CADPS: variants seen among roughly 807,000 people sequenced by gnomAD.
CADPS encodes calcium-dependent secretion activator 1.
In CADPS, 57 loss-of-function variants were observed where a neutral mutation model predicts 167.3. The ratio of observed to expected loss-of-function variants is 0.34; its 90% CI spans 0.28 to 0.42. The LOEUF (loss-of-function observed/expected upper bound fraction) is 0.42. Ranked by LOEUF, CADPS falls within the 20% of genes least tolerant of loss-of-function variation. The pLI is 1.00. For missense variants in CADPS, 1,414 were observed against 1,738.1 expected (o/e 0.81, Z 3.32); for synonymous variants, 676 against 635.3 (o/e 1.06, Z -0.96).
intron 8 of CADPS, among the ~76,000 whole-genome samples, chr3:62,580,953 C>T (rs940256383): frequency 2.6e-5 from 4 of 152,128 alleles, no homozygotes; most frequent in Non-Finnish European, 5.9e-5. Flanking sequence ...GCATGGGTTT[C>T]AAGAATCTGC....
chr3:62,793,531 A>G, intron 1 of CADPS, among the ~76,000 whole-genome samples: 1 of 152,140 alleles, frequency 6.6e-6, no homozygotes, highest in South Asian at 2.1e-4. Context: ...TTTGATATAA[A>G]CCACTGCTGG....
intron 7 of CADPS, among the ~76,000 whole-genome samples, chr3:62,586,371 G>A (rs922682954): frequency 6.6e-6 from 1 of 152,082 alleles, no homozygotes; most frequent in African/African-American, 2.4e-5. Flanking sequence ...TCTTATGGGT[G>A]GACACTCTGG....
chr3:62,851,262 T>C (rs568214905), intron 1 of CADPS, among the ~76,000 whole-genome samples: 3,271 of 137,986 alleles, frequency 0.024, 161 homozygotes, highest in African/African-American at 0.085. Context: ...TTGGAGAATT[T>C]AGTCCATTTA....
chr3:62,738,888 A>G (rs1314354174), intron 3 of CADPS, among the ~76,000 whole-genome samples: 1 of 152,234 alleles, frequency 6.6e-6, no homozygotes, highest in East Asian at 1.9e-4. Context: ...ACTAAAATAA[A>G]TTGGTAAAAT....
intron 1 of CADPS, among the ~76,000 whole-genome samples, chr3:62,854,174 C>T (rs2079185743): frequency 6.6e-6 from 1 of 152,120 alleles, no homozygotes; most frequent in South Asian, 2.1e-4. Flanking sequence ...CCATCAACTC[C>T]AACTCACAAG....
intron 8 of CADPS, among the ~76,000 whole-genome samples, chr3:62,580,015 G>C (rs1176267688): frequency 6.6e-6 from 1 of 152,144 alleles, no homozygotes; most frequent in Non-Finnish European, 1.5e-5. Flanking sequence ...ATGACGGCCA[G>C]GTTTGGTGGC....
At chr3:62,578,850 G>T (rs1420415094) in intron 8 of CADPS, among the ~76,000 whole-genome samples, 1 of 152,062 alleles carries the variant, frequency 6.6e-6, no homozygotes, top group Admixed American at 6.6e-5. Context: ...GTCAACAAGG[G>T]AGATAAAATG....
At chr3:62,547,615 T>C (rs2076713679) in intron 11 of CADPS, among the ~76,000 whole-genome samples, 1 of 114,110 alleles carries the variant, frequency 8.8e-6, no homozygotes, top group African/African-American at 3.6e-5. Flanking sequence ...TTCTAACTCT[T>C]AGGAGTTTGC....
intron 3 of CADPS, among the ~76,000 whole-genome samples, chr3:62,674,736 T>C (rs2076081464): frequency 6.6e-6 from 1 of 152,206 alleles, no homozygotes; most frequent in Admixed American, 6.5e-5. Flanking sequence ...CTGCATTGTG[T>C]GCAAATGCAC....
chr3:62,536,629 C>T (rs2074738439), intron 11 of CADPS, 48 bp from the exon 12 acceptor site: 2 of 1,582,356 alleles, frequency 1.3e-6, no homozygotes, highest in Admixed American at 1.7e-5. Context: ...AGAAACACAT[C>T]ACATTTTCTT....
rs551797674 is a variant in CADPS, at chr3:62,545,768, A to G, written c.1966+4135T>C. ...CCAAATAAACTCACAATTACTCCCA[A>G]GTTTTCCAAACTATAAAAATGGTCC... On this transcript the variant is annotated intron_variant, in intron 11 of 29. Coordinates refer to ENST00000383710, the MANE Select transcript of CADPS (RefSeq NM_003716.4). 4.6e-5 allele frequency among the ~76,000 whole-genome samples: 7 copies of G among 152,272 alleles called. No homozygotes were observed. In the East Asian group the frequency reaches 1.2e-3, roughly 25 times the overall value.
intron 10 of CADPS, 61 bp downstream of exon 10, chr3:62,557,344 G>T: frequency 9.1e-7 from 1 of 1,103,322 alleles, no homozygotes; most frequent in Non-Finnish European, 1.4e-6. Flanking sequence ...ATTATTAGTT[G>T]ACCATTGATT....
intron 1 of CADPS, among the ~76,000 whole-genome samples, chr3:62,808,827 T>C (rs2094246848): frequency 6.6e-6 from 1 of 152,110 alleles, no homozygotes; most frequent in Non-Finnish European, 1.5e-5. Context: ...AACGGATGCC[T>C]CTACCTGGAT....
chr3:62,492,080 G>A (rs1350429121), intron 20 of CADPS, among the ~76,000 whole-genome samples: 2 of 152,144 alleles, frequency 1.3e-5, no homozygotes, highest in African/African-American at 2.4e-5. Flanking sequence ...ATTCTGTCTA[G>A]TTAAGAGAGA....
chr3:62,847,027 T>C (rs2077564820), intron 1 of CADPS, among the ~76,000 whole-genome samples: 1 of 152,214 alleles, frequency 6.6e-6, no homozygotes, highest in Non-Finnish European at 1.5e-5. Flanking sequence ...TGATGTGTTT[T>C]AAACCACTTT....
chr3:62,631,763 T>C (rs2065316596), intron 6 of CADPS, among the ~76,000 whole-genome samples: 1 of 152,196 alleles, frequency 6.6e-6, no homozygotes, highest in South Asian at 2.1e-4. Flanking sequence ...AGCTGAACCA[T>C]ATCTTAATTC....
chr3:62,510,446 G>A (rs1577021432), intron 17 of CADPS, among the ~76,000 whole-genome samples: 1 of 152,226 alleles, frequency 6.6e-6, no homozygotes, highest in South Asian at 2.1e-4. Context: ...AGCTTGCTGG[G>A]TTCAGAATGT....
Position 62,620,509 on chromosome 3 carries a change from A to T in CADPS, c.1325+25213T>A, listed in dbSNP as rs114266327. ...CTAGGCACTGTATGAAACACTTCAA[A>T]CACAGTGTCTTGTTTAATTGCCACA... is the stretch of plus-strand genomic sequence containing the variant. On this transcript the variant is annotated intron_variant, in intron 6 of 29. Coordinates refer to ENST00000383710, the MANE Select transcript of CADPS (RefSeq NM_003716.4). Among the ~76,000 whole-genome samples, 1,224 of 152,298 alleles carry T rather than the reference A, an allele frequency of 8.0e-3. 9 individuals carry two copies. The highest frequency in any genetic ancestry group is 0.02 in the Middle Eastern group (6 of 294).
chr3:62,452,206 TC>T (rs1443593307), intron 26 of CADPS, among the ~76,000 whole-genome samples: 1 of 152,196 alleles, frequency 6.6e-6, no homozygotes, highest in South Asian at 2.1e-4. Flanking sequence ...AAAGGCATAG[TC>T]CCTGGGCATA....
Sources: gnomAD v4.1 joint callset for allele counts (sites outside exome capture counted in the v4.1 genomes callset) on GRCh38, gnomAD v4.1.1 for gene constraint, MANE v1.5 for transcripts, NCBI Gene and HGNC (gene_info 2026-07-23, HGNC 2026-07-21) for gene names.